The following CRLS1 variants were observed in gnomAD, a reference collection of about 807,000 sequenced individuals.
CRLS1 encodes the protein cardiolipin synthase 1.
CRLS1 carries 24 observed loss-of-function variants against 37.0 expected under a neutral mutation model. The ratio of observed to expected loss-of-function variants is 0.65; its 90% CI spans 0.47 to 0.91. The LOEUF (loss-of-function observed/expected upper bound fraction) is 0.91, where lower values mean the gene tolerates loss of function less well. Ranked by LOEUF, CRLS1 falls within the 40% of genes least tolerant of loss-of-function variation. The pLI is 0.00. For missense variants in CRLS1, 373 were observed against 395.8 expected (o/e 0.94, Z 0.49); for synonymous variants, 135 against 159.7 (o/e 0.85, Z 1.17).
At chr20:6,019,250 A>C (rs531183593) in intron 3 of CRLS1, among the ~76,000 whole-genome samples, 1 of 149,942 alleles carries the variant, frequency 6.7e-6, no homozygotes, top group East Asian at 2.0e-4. Context: ...TTTAACCTTC[A>C]ACCAACTCAC....
At chr20:6,019,886 A>G (rs1979115238) in intron 3 of CRLS1, among the ~76,000 whole-genome samples, 1 of 150,390 alleles carries the variant, frequency 6.6e-6, no homozygotes, top group African/African-American at 2.4e-5. Flanking sequence ...CTGGCCTCGA[A>G]CTCCTCACCT....
chr20:6,015,281 T>C, intron 2 of CRLS1, 80 bp from the exon 3 acceptor site: 1 of 813,986 alleles, frequency 1.2e-6, no homozygotes, highest in Non-Finnish European at 1.9e-6. Context: ...ATTGTTATTC[T>C]GGTATATCTT....
chr20:6,025,135 G>A (rs951354363), intron 3 of CRLS1, among the ~76,000 whole-genome samples: 3 of 152,190 alleles, frequency 2.0e-5, no homozygotes, highest in Admixed American at 6.5e-5. Context: ...CCCTTCTATT[G>A]GAAGAAGATG....
chr20:6,022,661 T>G (rs972976403), intron 3 of CRLS1, among the ~76,000 whole-genome samples: 6 of 152,196 alleles, frequency 3.9e-5, no homozygotes, highest in African/African-American at 1.4e-4. Flanking sequence ...TGAAGGCAAT[T>G]TTGCTTTCTT....
chr20:6,031,992 C>T lies in CRLS1; in HGVS notation c.661-20C>T, dbSNP rs1391277073. Reference sequence around the variant, plus strand: ...TTAAACAATAAGTTAATTACTTTATCTTTTTTGGTCCTCTGCCAGCGAACA... The same window carrying T: ...TTAAACAATAAGTTAATTACTTTATTTTTTTTGGTCCTCTGCCAGCGAACA... On this transcript the variant is annotated intron_variant, in intron 4 of 6. Transcript: ENST00000378863. The T allele has an allele frequency of 1.9e-6, 3 of 1,590,982 alleles. No homozygotes were observed. The highest frequency in any genetic ancestry group is 1.7e-5 in the Admixed American group (1 of 59,204).
intron 3 of CRLS1, among the ~76,000 whole-genome samples, chr20:6,016,474 T>TGTGTGA (rs11474595): frequency 0.42 from 63,823 of 151,288 alleles, 13,900 homozygotes; most frequent in East Asian, 0.56. Flanking sequence ...TGTGTGTGTG[T>TGTGTGA]GAGTTTTCTT....
intron 2 of CRLS1, among the ~76,000 whole-genome samples, chr20:6,013,193 A>C (rs2122932642): frequency 6.7e-6 from 1 of 150,364 alleles, no homozygotes; most frequent in East Asian, 2.0e-4. Flanking sequence ...GCTGGAGTAT[A>C]TGTATATACT....
At chr20:6,019,512 CTT>C (rs10610960) in intron 3 of CRLS1, among the ~76,000 whole-genome samples, 74,481 of 118,070 alleles carry the variant, frequency 0.63, 21,528 homozygotes, top group Middle Eastern at 0.71. Context: ...TTTTTTGTCC[CTT>C]TTTTTTTTTT....
chr20:6,015,995 GA>G (rs1978714994), intron 3 of CRLS1: 1 of 154,800 alleles, frequency 6.5e-6, no homozygotes, highest in East Asian at 1.9e-4. Flanking sequence ...AAGATTTCAT[GA>G]TTTTTTTGCT....
chr20:6,024,519 C>T (rs1979525477), intron 3 of CRLS1, among the ~76,000 whole-genome samples: 1 of 152,200 alleles, frequency 6.6e-6, no homozygotes, highest in Non-Finnish European at 1.5e-5. Context: ...TCTCCTCAGG[C>T]CTCCCTATTC....
At chr20:6,025,771 G>A (rs1979632890) in intron 3 of CRLS1, among the ~76,000 whole-genome samples, 1 of 152,172 alleles carries the variant, frequency 6.6e-6, no homozygotes, top group Admixed American at 6.5e-5. Flanking sequence ...CAACCCACAT[G>A]GATGATTTGA....
chr20:6,011,848 G>A (rs535123330), intron 2 of CRLS1, among the ~76,000 whole-genome samples: 2 of 151,428 alleles, frequency 1.3e-5, no homozygotes, highest in African/African-American at 4.8e-5. Context: ...GGCCTCCCTC[G>A]GCCTGGGATT....
At chr20:6,017,547 A>G (rs968245360) in intron 3 of CRLS1, among the ~76,000 whole-genome samples, 1 of 152,214 alleles carries the variant, frequency 6.6e-6, no homozygotes, top group African/African-American at 2.4e-5. Context: ...TCTTTGCATC[A>G]GTGGCATTCT....
intron 3 of CRLS1, among the ~76,000 whole-genome samples, chr20:6,020,241 A>G (rs1264871025): frequency 1.3e-5 from 2 of 152,154 alleles, no homozygotes; most frequent in East Asian, 1.9e-4. Flanking sequence ...TTTCTTTTCT[A>G]AAGATTGCAT....
Position 6,037,219 on chromosome 20 carries a change from G to T in CRLS1, c.*61G>T. Reference sequence around the variant, plus strand: ...ATACATCAATGGGAACAGGGCCCATGGAAATGTACAGGAGTTTCCCTATTT... The same window carrying T: ...ATACATCAATGGGAACAGGGCCCATTGAAATGTACAGGAGTTTCCCTATTT... On this transcript the variant is annotated 3_prime_UTR_variant, in exon 7 of 7. Coordinates refer to ENST00000378863, the MANE Select transcript of CRLS1 (RefSeq NM_019095.6). 1 of 1,235,020 alleles carries T rather than the reference G, an allele frequency of 8.1e-7. No homozygotes were observed. Among genetic ancestry groups the T allele is most frequent in the Non-Finnish European group, 1.2e-6 (1 of 856,720 alleles). The allele number at this position is 1,235,020 out of a possible 1,614,324, so 76.5% of individuals were successfully genotyped here.
intron 3 of CRLS1, chr20:6,028,414 T>G (rs1230432857): frequency 6.6e-6 from 1 of 151,816 alleles, no homozygotes; most frequent in East Asian, 1.9e-4. Flanking sequence ...TATTTTATTT[T>G]TATTATTTTA....
chr20:6,034,941 G>A (rs1353244659), intron 6 of CRLS1, among the ~76,000 whole-genome samples: 1 of 152,184 alleles, frequency 6.6e-6, no homozygotes, highest in Non-Finnish European at 1.5e-5. Context: ...GTAGGAGAGA[G>A]GGTAGGGAAG....
chr20:6,031,459 C>A, intron 4 of CRLS1, 89 bp downstream of exon 4: 1 of 914,984 alleles, frequency 1.1e-6, no homozygotes, highest in Non-Finnish European at 1.7e-6. Context: ...AACATCTTTT[C>A]AATTGATGGC....
At chr20:6,007,186 C>T (rs868123711) in intron 1 of CRLS1, 1 of 1,384,776 alleles carries the variant, frequency 7.2e-7, no homozygotes. Flanking sequence ...GTCATGTTAG[C>T]AAGACTCATG....
Sources: allele counts gnomAD v4.1 joint callset (sites outside exome capture counted in the v4.1 genomes callset), GRCh38; gene constraint gnomAD v4.1.1; transcripts MANE v1.5; gene names NCBI Gene and HGNC (gene_info 2026-07-23, HGNC 2026-07-21).